TBCD: variants seen among roughly 807,000 people sequenced by gnomAD.
The protein encoded by TBCD is tubulin folding cofactor D.
A neutral mutation model predicts 169.3 loss-of-function variants in TBCD; 105 were observed. The ratio of observed to expected loss-of-function variants is 0.62; its 90% CI spans 0.53 to 0.73. The LOEUF (loss-of-function observed/expected upper bound fraction) is 0.73, where lower values mean the gene tolerates loss of function less well. TBCD is among the 30% of genes least tolerant of loss of function. TBCD has a pLI of 0.00. For missense variants in TBCD, 1,444 were observed against 1,600.1 expected (o/e 0.90, Z 1.66); for synonymous variants, 700 against 643.9 (o/e 1.09, Z -1.32).
intron 13 of TBCD, chr17:82,840,392 C>G (rs2054369496): frequency 6.6e-6 from 1 of 152,274 alleles, no homozygotes; most frequent in Non-Finnish European, 1.5e-5. Context: ...CATGTGTACG[C>G]AGGAGGCAAA....
At chr17:82,774,478 GTC>G (rs1319065008) in intron 6 of TBCD, among the ~76,000 whole-genome samples, 1 of 152,206 alleles carries the variant, frequency 6.6e-6, no homozygotes, top group African/African-American at 2.4e-5. Flanking sequence ...ACAAACTGAT[GTC>G]TCTTTCTTTT....
intron 6 of TBCD, among the ~76,000 whole-genome samples, chr17:82,778,911 C>T (rs1394099307): frequency 2.0e-5 from 3 of 152,224 alleles, no homozygotes; most frequent in African/African-American, 4.8e-5. Flanking sequence ...ATCCACCCGT[C>T]TTGACCTCCC....
intron 14 of TBCD, among the ~76,000 whole-genome samples, chr17:82,876,542 TTG>T (rs552730352): frequency 2.0e-3 from 299 of 152,330 alleles, no homozygotes; most frequent in African/African-American, 7.0e-3. Context: ...TTAAACCTGT[TTG>T]TATTTATTTC....
chr17:82,941,127 C>T (rs1179016055), intron 37 of TBCD, among the ~76,000 whole-genome samples: 5 of 152,272 alleles, frequency 3.3e-5, no homozygotes, highest in East Asian at 1.9e-4. Flanking sequence ...TCTGTCCTCC[C>T]GCAGTCCCTG....
At chr17:82,908,101 C>T (rs1289888357) in intron 21 of TBCD, among the ~76,000 whole-genome samples, 1 of 152,236 alleles carries the variant, frequency 6.6e-6, no homozygotes, top group African/African-American at 2.4e-5. Context: ...TGTCCTTGGT[C>T]TCTGAGGAAG....
chr17:82,781,783 C>T (rs556307117), intron 7 of TBCD, 62 bp downstream of exon 7: 23 of 1,590,032 alleles, frequency 1.4e-5, no homozygotes, highest in South Asian at 1.1e-4. Context: ...ATGGGGACCA[C>T]GGAATGATGT....
chr17:82,774,204 G>A (rs1194162684), intron 6 of TBCD, among the ~76,000 whole-genome samples: 1 of 152,086 alleles, frequency 6.6e-6, no homozygotes, highest in Non-Finnish European at 1.5e-5. Context: ...GCGGCCTTCC[G>A]CAGTGTTTTT....
At chr17:82,871,985 G>A (rs2057602548) in intron 14 of TBCD, among the ~76,000 whole-genome samples, 2 of 152,180 alleles carry the variant, frequency 1.3e-5, no homozygotes, top group South Asian at 2.1e-4. Flanking sequence ...GAAGGGTCTC[G>A]GTGACAGGCG....
chr17:82,931,588 T>C (rs911023983), intron 33 of TBCD, among the ~76,000 whole-genome samples: 5 of 152,362 alleles, frequency 3.3e-5, no homozygotes, highest in African/African-American at 1.2e-4. Flanking sequence ...TGCATCTGTC[T>C]GTGGGCATTT....
chr17:82,943,874 C>T lies in TBCD; in HGVS notation c.*1411C>T, dbSNP rs11077950. 0.18 allele frequency: 26,743 copies of T among 152,282 alleles called. 2,730 individuals carry two copies. Among genetic ancestry groups the T allele is most frequent in the Admixed American group, 0.24 (3,650 of 15,294 alleles). 9.4% of individuals were successfully genotyped at this position (152,282 alleles called of 1,614,324 possible). On this transcript the variant is annotated 3_prime_UTR_variant, in exon 39 of 39. Transcript: ENST00000355528. ...GAACTGTCCCGATTGGCTGGGGTCA[C>T]GTGGTGAGGGTCCTGGGTGACCAGG...
At chr17:82,777,701 C>T (rs957789552) in intron 6 of TBCD, among the ~76,000 whole-genome samples, 1 of 152,234 alleles carries the variant, frequency 6.6e-6, no homozygotes, top group Admixed American at 6.5e-5. Flanking sequence ...CAGGATGGAA[C>T]GTGAAGGCAG....
At chr17:82,852,504 G>C (rs552364816) in intron 13 of TBCD, among the ~76,000 whole-genome samples, 206 of 152,200 alleles carry the variant, frequency 1.4e-3, no homozygotes, top group Non-Finnish European at 2.3e-3. Context: ...GGGTTTTCCT[G>C]GGCCTGCAGG....
chr17:82,937,545 T>G, intron 35 of TBCD, 185 bp downstream of exon 35: 1 of 627,298 alleles, frequency 1.6e-6, no homozygotes, highest in South Asian at 1.9e-5. Flanking sequence ...CAGGTGCTGG[T>G]GGAGGGAGTT....
chr17:82,865,354 G>A, intron 13 of TBCD: 1 of 641,894 alleles, frequency 1.6e-6, no homozygotes, highest in Non-Finnish European at 1.9e-6. Context: ...CTCTGCACCG[G>A]CAGGCTCCAC....
At chr17:82,830,110 G>T in intron 13 of TBCD, 2 of 1,612,424 alleles carry the variant, frequency 1.2e-6, no homozygotes, top group Non-Finnish European at 1.7e-6. Flanking sequence ...GTGTGTGGCC[G>T]TAGCTCTGTG....
At position 82,923,742 on chromosome 17, in the gene TBCD, G is replaced by T. The variant is rs1279452751; in HGVS notation, c.2260+9G>T. On this transcript the variant is annotated intron_variant, in intron 26 of 38. Transcript: ENST00000355528. This position sits in a 1 kb window ranked among gnomAD's most constrained non-coding sequence, Gnocchi z 4.6. ...AGATCCCGCAATTCAGGGTGAGTGGGGAGCCCTTTTCTTGAAGACTCCAGG... is the reference window on the plus strand; with the variant it reads ...AGATCCCGCAATTCAGGGTGAGTGGTGAGCCCTTTTCTTGAAGACTCCAGG... The T allele has an allele frequency of 1.3e-6, 2 of 1,590,938 alleles. No homozygotes were observed. The highest frequency in any genetic ancestry group is 1.3e-5 in the African/African-American group (1 of 74,472).
At position 82,831,105 on chromosome 17, in the gene TBCD, T is replaced by C. The variant is rs2053466234; in HGVS notation, c.1318+16171T>C. The C allele has an allele frequency of 6.8e-6, 11 of 1,614,208 alleles. No individual in the cohort carries two copies. Among genetic ancestry groups the C allele is most frequent in the Non-Finnish European group, 9.3e-6 (11 of 1,180,030 alleles). On this transcript the variant is annotated intron_variant, in intron 13 of 38. Transcript: ENST00000355528. This position sits in a 1 kb window ranked among gnomAD's most constrained non-coding sequence, Gnocchi z 4.6. ...TAACAGGCCTGAAGGCTGTGAGGCT[T>C]TGCTCTGGCGGGTAGAGTCTTCCCA...
intron 7 of TBCD, among the ~76,000 whole-genome samples, chr17:82,794,263 G>T (rs751145435): frequency 2.0e-5 from 3 of 151,936 alleles, no homozygotes; most frequent in African/African-American, 7.2e-5. Flanking sequence ...CCAGGGGGGG[G>T]AAGCTGGCTC....
chr17:82,815,422 C>T (rs997154104), intron 13 of TBCD, among the ~76,000 whole-genome samples: 2 of 152,310 alleles, frequency 1.3e-5, no homozygotes, highest in East Asian at 3.9e-4. Flanking sequence ...GTGGTGCTCC[C>T]TGGAGATGAG....
Sources: allele counts gnomAD v4.1 joint callset (sites outside exome capture counted in the v4.1 genomes callset), GRCh38; gene constraint gnomAD v4.1.1; non-coding constraint Gnocchi (gnomAD v3.1); transcripts MANE v1.5; gene names NCBI Gene and HGNC (gene_info 2026-07-23, HGNC 2026-07-21).